The following ARID1B variants were observed in gnomAD, a reference collection of about 807,000 sequenced individuals.
The protein encoded by ARID1B is AT-rich interactive domain-containing protein 1B.
Under a neutral mutation model 212.3 loss-of-function variants are expected in ARID1B, and 30 were observed. The observed-to-expected ratio is 0.14, with a 90% CI of 0.11 to 0.19. The LOEUF (loss-of-function observed/expected upper bound fraction) is 0.19. ARID1B is among the 10% of genes least tolerant of loss of function. The pLI, the probability that ARID1B is intolerant of heterozygous loss-of-function variation, is 1.00. For synonymous variants in ARID1B, 1,402 were observed against 1,301.7 expected (o/e 1.08, Z -1.66); for missense variants, 2,891 against 3,204.0 (o/e 0.90, Z 2.36).
chr6:156,852,999 G>T (rs1030211843), intron 2 of ARID1B, among the ~76,000 whole-genome samples: 6 of 152,204 alleles, frequency 3.9e-5, no homozygotes, highest in African/African-American at 1.4e-4. Flanking sequence ...ATAATGGCTG[G>T]AAGCTTTGTG....
At chr6:156,893,746 A>G (rs1044937320) in intron 2 of ARID1B, among the ~76,000 whole-genome samples, 5 of 152,220 alleles carry the variant, frequency 3.3e-5, no homozygotes, top group Non-Finnish European at 7.3e-5. Flanking sequence ...CACACCCAGT[A>G]TTAGTACAGC....
intron 2 of ARID1B, among the ~76,000 whole-genome samples, chr6:156,893,460 T>G (rs946663603): frequency 6.6e-6 from 1 of 152,162 alleles, no homozygotes; most frequent in Non-Finnish European, 1.5e-5. Flanking sequence ...TTAAAAACTT[T>G]TGAGCATCAA....
intron 9 of ARID1B, 34 bp from the exon 10 acceptor site, chr6:157,173,974 A>G (rs1791900767): frequency 1.9e-6 from 3 of 1,575,004 alleles, no homozygotes; most frequent in East Asian, 2.2e-5. Flanking sequence ...AATCACACAT[A>G]TAATCCTAAA....
At chr6:157,121,132 T>C (rs1469506883) in intron 6 of ARID1B, among the ~76,000 whole-genome samples, 1 of 152,222 alleles carries the variant, frequency 6.6e-6, no homozygotes, top group East Asian at 1.9e-4. Context: ...CCTCCCAGTT[T>C]TATTTCCCCA....
intron 6 of ARID1B, among the ~76,000 whole-genome samples, chr6:157,129,695 A>G (rs1363316756): frequency 6.6e-6 from 1 of 152,178 alleles, no homozygotes; most frequent in Non-Finnish European, 1.5e-5. Flanking sequence ...CTTTTTGCAA[A>G]TGTGATTTTA....
intron 4 of ARID1B, among the ~76,000 whole-genome samples, chr6:157,044,439 A>G (rs539344075): frequency 2.0e-5 from 3 of 152,206 alleles, no homozygotes; most frequent in Non-Finnish European, 4.4e-5. Context: ...GTCGTTAACT[A>G]TAGGATTTAT....
intron 4 of ARID1B, among the ~76,000 whole-genome samples, chr6:157,008,886 C>T (rs776981392): frequency 2.6e-5 from 4 of 152,162 alleles, no homozygotes; most frequent in Non-Finnish European, 4.4e-5. Context: ...GACGCTAGCA[C>T]ACCCACCTTC....
At chr6:156,900,255 G>A (rs1475339008) in intron 2 of ARID1B, among the ~76,000 whole-genome samples, 2 of 152,220 alleles carry the variant, frequency 1.3e-5, no homozygotes. Flanking sequence ...TGGATTGAAA[G>A]AAATATAGGA....
chr6:157,061,604 T>C (rs1435540197), intron 4 of ARID1B, among the ~76,000 whole-genome samples: 1 of 152,148 alleles, frequency 6.6e-6, no homozygotes, highest in East Asian at 1.9e-4. Context: ...CCAGTTATAG[T>C]TGAATTTCAC....
At chr6:157,196,371 A>G (rs2128358170) in intron 16 of ARID1B, 56 bp downstream of exon 16, 1 of 1,555,872 alleles carries the variant, frequency 6.4e-7, no homozygotes, top group Non-Finnish European at 8.7e-7. Context: ...TGCTTTCCTC[A>G]CACACACATT....
Position 157,196,152 on chromosome 6 carries a change from TAAAATATTGC to T in ARID1B, c.4232-11_4232-2del, listed in dbSNP as rs761469063. The stretch of plus-strand genomic sequence containing the variant: ...AATGCCTAAATGTATGCATTTTATT[TAAAATATTGC>T]AGTGCCTGGAAGCAGCGAGCCCTTT... On this transcript the variant is annotated splice_region_variant and splice_polypyrimidine_tract_variant and intron_variant, in intron 15 of 19. Coordinates refer to ENST00000636930, the MANE Select transcript of ARID1B (RefSeq NM_001374828.1). 8 of 1,611,302 alleles carry T rather than the reference TAAAATATTGC, an allele frequency of 5.0e-6. No homozygotes were observed. The South Asian group carries it at 8.9e-5, about 18-fold the overall frequency.
chr6:156,927,347 G>C (rs956297236), intron 3 of ARID1B, among the ~76,000 whole-genome samples: 14 of 151,946 alleles, frequency 9.2e-5, no homozygotes, highest in Admixed American at 8.5e-4. Context: ...CCACAGCCTG[G>C]GATTTCCTGA....
At position 157,173,210 on chromosome 6, in the gene ARID1B, A is replaced by G. The variant is rs148440468; in HGVS notation, c.3236-798A>G. 16 of 152,370 alleles carry G rather than the reference A, an allele frequency of 1.1e-4. No individual in the cohort carries two copies. The East Asian group carries it at 2.5e-3, about 24-fold the overall frequency. 9.4% of individuals were successfully genotyped at this position (152,370 alleles called of 1,614,324 possible). ...CCTGAAAATGTCTGCTGTATCTGCAATGAATGTGGAGAAATCAGTTGTTCT... is the reference window on the plus strand; with the variant it reads ...CCTGAAAATGTCTGCTGTATCTGCAGTGAATGTGGAGAAATCAGTTGTTCT... On this transcript the variant is annotated intron_variant, in intron 9 of 19. Transcript: ENST00000636930.
At chr6:156,933,680 G>A (rs898813775) in intron 3 of ARID1B, among the ~76,000 whole-genome samples, 4 of 152,146 alleles carry the variant, frequency 2.6e-5, no homozygotes, top group African/African-American at 9.7e-5. Flanking sequence ...TAGACAAATA[G>A]CATTGAATTC....
intron 4 of ARID1B, among the ~76,000 whole-genome samples, chr6:156,950,112 C>A (rs1369810943): frequency 6.6e-6 from 1 of 152,202 alleles, no homozygotes; most frequent in Non-Finnish European, 1.5e-5. Flanking sequence ...CGGTTGGTAG[C>A]ATAGTGGCTG....
At chr6:156,929,770 G>C (rs1279982050) in intron 3 of ARID1B, among the ~76,000 whole-genome samples, 1 of 152,160 alleles carries the variant, frequency 6.6e-6, no homozygotes, top group African/African-American at 2.4e-5. Context: ...GACGCTCTTT[G>C]TTGGATTTTG....
chr6:157,089,359 C>T (rs1785140873), intron 5 of ARID1B, among the ~76,000 whole-genome samples: 1 of 152,132 alleles, frequency 6.6e-6, no homozygotes, highest in Non-Finnish European at 1.5e-5. Flanking sequence ...CAGATTTGCC[C>T]TCCTATCTTG....
chr6:156,977,545 G>A (rs1429896276), intron 4 of ARID1B, among the ~76,000 whole-genome samples: 3 of 152,000 alleles, frequency 2.0e-5, no homozygotes, highest in Non-Finnish European at 4.4e-5. Context: ...ACCTTAAGAT[G>A]CACATTTTTT....
In ARID1B at chr6:157,201,259, C is replaced by T. The variant is rs1462443292; in HGVS notation, c.5034C>T (p.Ser1678=). Reference sequence around the variant, plus strand: ...CAAATCACATCTCCAGGGCGCCCAGCCCAGCGTCCTTCCAGCGCTCCCTGG... The same window carrying T: ...CAAATCACATCTCCAGGGCGCCCAGTCCAGCGTCCTTCCAGCGCTCCCTGG... ...SLPNHISRAP[S]PASFQRSLEN... The change falls in exon 18 of 20, where the codon AGC becomes AGT. Residue 1678 remains serine (S), a synonymous_variant. Transcript: ENST00000636930. The surrounding 1 kb of genome is among the most constrained non-coding windows in gnomAD (Gnocchi z 5.2). 1 of 1,614,016 alleles carries T rather than the reference C, an allele frequency of 6.2e-7. No individual in the cohort carries two copies. Among genetic ancestry groups the T allele is most frequent in the East Asian group, 2.2e-5 (1 of 44,890 alleles).
Sources: allele counts gnomAD v4.1 joint callset (sites outside exome capture counted in the v4.1 genomes callset), GRCh38; gene constraint gnomAD v4.1.1; non-coding constraint Gnocchi (gnomAD v3.1); transcripts MANE v1.5; gene names NCBI Gene and HGNC (gene_info 2026-07-23, HGNC 2026-07-21).